DPYD: variants seen among roughly 807,000 people sequenced by gnomAD.
DPYD encodes the protein dihydropyrimidine dehydrogenase, also known as dihydropyrimidine dehydrogenase [NADP(+)].
DPYD carries 109 observed loss-of-function variants against 116.2 expected under a neutral mutation model. That is an observed-to-expected ratio of 0.94 (90% CI 0.80 to 1.10). DPYD has a LOEUF of 1.10. Ranked by LOEUF, DPYD falls within the 50% of genes least tolerant of loss-of-function variation. The pLI is 0.00. For missense variants in DPYD, 1,302 were observed against 1,254.5 expected, an observed-to-expected ratio of 1.04 and a Z score of -0.57; for synonymous variants, 440 against 432.0, an observed-to-expected ratio of 1.02 and a Z score of -0.23.
At chr1:97,165,067 A>G (rs985763188) in intron 20 of DPYD, among the ~76,000 whole-genome samples, 17 of 152,058 alleles carry the variant, frequency 1.1e-4, no homozygotes. Context: ...TCACAGAACT[A>G]GAGAAAACTA....
intron 2 of DPYD, among the ~76,000 whole-genome samples, chr1:97,832,349 C>T (rs1419717299): frequency 6.6e-6 from 1 of 152,036 alleles, no homozygotes; most frequent in Non-Finnish European, 1.5e-5. Context: ...GAGTAAACTG[C>T]ATAAGTGAAT....
intron 10 of DPYD, among the ~76,000 whole-genome samples, chr1:97,586,479 T>C (rs1381966098): frequency 0.02 from 1,364 of 67,864 alleles, 55 homozygotes; most frequent in Non-Finnish European, 0.029. Flanking sequence ...TATATATATA[T>C]ATATATATAT....
intron 2 of DPYD, among the ~76,000 whole-genome samples, chr1:97,851,124 A>G (rs1670547278): frequency 6.6e-6 from 1 of 151,982 alleles, no homozygotes; most frequent in African/African-American, 2.4e-5. Context: ...TGAAGAACAG[A>G]TAGCCATAAT....
intron 19 of DPYD, among the ~76,000 whole-genome samples, chr1:97,221,771 C>A: frequency 6.6e-6 from 1 of 152,030 alleles, no homozygotes; most frequent in East Asian, 1.9e-4. Flanking sequence ...TAATTAAAAT[C>A]AATTTATGAA....
At chr1:97,776,071 T>A (rs1428547014) in intron 3 of DPYD, among the ~76,000 whole-genome samples, 1 of 152,134 alleles carries the variant, frequency 6.6e-6, no homozygotes, top group Admixed American at 6.5e-5. Context: ...TACAAAAACA[T>A]AGAATGAATA....
At chr1:97,850,746 T>C (rs1339053412) in intron 2 of DPYD, among the ~76,000 whole-genome samples, 2 of 116,214 alleles carry the variant, frequency 1.7e-5, no homozygotes, top group African/African-American at 3.2e-5. Flanking sequence ...TCCAACTTAA[T>C]TTGATCGAGC....
intron 12 of DPYD, among the ~76,000 whole-genome samples, chr1:97,525,751 G>T (rs1649002845): frequency 2.4e-5 from 2 of 83,550 alleles, no homozygotes; most frequent in Admixed American, 1.5e-4. Flanking sequence ...TAATTGCCCT[G>T]GGTAATTAGA....
At chr1:97,581,262 G>T (rs1653644929) in intron 10 of DPYD, among the ~76,000 whole-genome samples, 1 of 146,038 alleles carries the variant, frequency 6.8e-6, no homozygotes. Flanking sequence ...GGGAAGTGGA[G>T]GTTGCAGTGA....
At chr1:97,412,713 A>C (rs373663070) in intron 14 of DPYD, among the ~76,000 whole-genome samples, 2 of 152,310 alleles carry the variant, frequency 1.3e-5, no homozygotes. Flanking sequence ...ATGTATTTTC[A>C]AAGAGCATTA....
rs1264957349 is a variant in DPYD at position 97,821,326 on chromosome 1, C to T, written c.233+6788G>A. Among the ~76,000 whole-genome samples, 45 of 85,322 alleles carry T rather than the reference C, an allele frequency of 5.3e-4. 2 individuals are homozygous for T. In the East Asian group the frequency reaches 7.7e-3, roughly 15 times the overall value. The allele number at this position is 85,322 out of a possible 152,430, so 56.0% of individuals were successfully genotyped here. On this transcript the variant is annotated intron_variant, in intron 3 of 22. Transcript: ENST00000370192. Reference sequence around the variant, plus strand: ...AGCCTGGACAACAAGACTGAAACTCCACCTCAAAAAAAAAAAAAAAAAAAT... The same window carrying T: ...AGCCTGGACAACAAGACTGAAACTCTACCTCAAAAAAAAAAAAAAAAAAAT...
intron 3 of DPYD, among the ~76,000 whole-genome samples, chr1:97,746,936 G>T (rs912258154): frequency 1.3e-5 from 2 of 151,336 alleles, no homozygotes; most frequent in Non-Finnish European, 2.9e-5. Context: ...GTTGTTAGTG[G>T]TGTGTGTTTT....
chr1:97,895,453 T>C (rs925821660), intron 1 of DPYD, among the ~76,000 whole-genome samples: 1 of 151,790 alleles, frequency 6.6e-6, no homozygotes, highest in African/African-American at 2.4e-5. Flanking sequence ...AGTAGCATGA[T>C]TTTCAGGTTC....
intron 11 of DPYD, among the ~76,000 whole-genome samples, chr1:97,558,617 C>G (rs1651916235): frequency 6.6e-6 from 1 of 152,122 alleles, no homozygotes. Flanking sequence ...GGGTAAAATA[C>G]AGATCTGATC....
intron 16 of DPYD, among the ~76,000 whole-genome samples, chr1:97,360,359 C>A (rs920515770): frequency 6.6e-6 from 1 of 152,148 alleles, no homozygotes; most frequent in Admixed American, 6.5e-5. Flanking sequence ...GAGATTTTAA[C>A]ACCCCACTGT....
chr1:97,549,311 G>A (rs370620100), intron 12 of DPYD, among the ~76,000 whole-genome samples: 15 of 152,100 alleles, frequency 9.9e-5, no homozygotes, highest in Non-Finnish European at 1.5e-4. Context: ...GCATCCTCCC[G>A]CTTCAGCCTC....
intron 20 of DPYD, among the ~76,000 whole-genome samples, chr1:97,159,321 A>T (rs889329705): frequency 2.0e-5 from 3 of 152,108 alleles, no homozygotes; most frequent in African/African-American, 4.8e-5. Flanking sequence ...AGCATAATGG[A>T]GATGGTATGA....
At chr1:97,103,308 T>C (rs1032066036) in intron 20 of DPYD, among the ~76,000 whole-genome samples, 7 of 152,120 alleles carry the variant, frequency 4.6e-5, no homozygotes, top group Non-Finnish European at 8.8e-5. Context: ...TTTAGCATGG[T>C]TTAGAATCAG....
chr1:97,325,812 A>G (rs1668678567), intron 16 of DPYD, among the ~76,000 whole-genome samples: 1 of 151,892 alleles, frequency 6.6e-6, no homozygotes, highest in South Asian at 2.1e-4. Context: ...AAGGTTCAAA[A>G]GCATAGGAAT....
chr1:97,917,278 T>C (rs1409492058), intron 1 of DPYD, among the ~76,000 whole-genome samples: 2 of 152,214 alleles, frequency 1.3e-5, no homozygotes, highest in Non-Finnish European at 2.9e-5. Flanking sequence ...TTATCTTTTT[T>C]GGATCCATGA....
Sources: gnomAD v4.1 joint callset for allele counts (sites outside exome capture counted in the v4.1 genomes callset) on GRCh38, gnomAD v4.1.1 for gene constraint, MANE v1.5 for transcripts, NCBI Gene and HGNC (gene_info 2026-07-23, HGNC 2026-07-21) for gene names.